HSD17B12: variants seen among roughly 807,000 people sequenced by gnomAD.
HSD17B12 encodes the protein very-long-chain 3-oxoacyl-CoA reductase.
HSD17B12 carries 32 observed loss-of-function variants against 39.3 expected under a neutral mutation model. The observed-to-expected ratio is 0.81, with a 90% confidence interval of 0.61 to 1.09. The LOEUF (loss-of-function observed/expected upper bound fraction) is 1.09. HSD17B12 is among the 50% of genes least tolerant of loss of function. HSD17B12 has a pLI of 0.00. For synonymous variants in HSD17B12, 150 were observed against 146.7 expected (o/e 1.02, Z -0.16); for missense variants, 342 against 382.9 (o/e 0.89, Z 0.89).
intron 1 of HSD17B12, among the ~76,000 whole-genome samples, chr11:43,699,626 A>G (rs1435605356): frequency 6.6e-6 from 1 of 152,012 alleles, no homozygotes; most frequent in Non-Finnish European, 1.5e-5. Context: ...GCAAATGGAG[A>G]CATTTATTTT....
At chr11:43,851,910 C>T (rs1951535471) in intron 9 of HSD17B12, 1 of 152,196 alleles carries the variant, frequency 6.6e-6, no homozygotes, top group Non-Finnish European at 1.5e-5. Context: ...CCCTGAAAAA[C>T]ATCATGCTCT....
the HSD17B12 span, among the ~76,000 whole-genome samples, chr11:43,646,552 G>GA: frequency 2.6e-5 from 4 of 152,288 alleles, no homozygotes; most frequent in African/African-American, 9.6e-5. Flanking sequence ...GAAGATACAT[G>GA]AATTTTTAAT....
intron 3 of HSD17B12, among the ~76,000 whole-genome samples, chr11:43,762,178 G>GAA (rs34145449): frequency 2.0e-5 from 3 of 151,640 alleles, no homozygotes; most frequent in African/African-American, 2.4e-5. Context: ...AAATTAAGAA[G>GAA]AAAAAAAAGA....
At chr11:43,681,286 C>A in intron 1 of HSD17B12, 1 of 464,572 alleles carries the variant, frequency 2.2e-6, no homozygotes, top group Non-Finnish European at 3.2e-6. Flanking sequence ...TTAAGCCATT[C>A]CGTGTTCATG....
At chr11:43,585,772 C>T in the HSD17B12 span, among the ~76,000 whole-genome samples, 1 of 152,204 alleles carries the variant, frequency 6.6e-6, no homozygotes, top group Non-Finnish European at 1.5e-5. Context: ...AGGTTCACAT[C>T]TTCCTTCTCC....
the HSD17B12 span, among the ~76,000 whole-genome samples, chr11:43,625,843 T>C: frequency 6.6e-6 from 1 of 151,540 alleles, no homozygotes; most frequent in South Asian, 2.1e-4. Context: ...GATTCTTTAT[T>C]TTCTCTCACA....
At chr11:43,712,070 A>C (rs1950072045) in intron 1 of HSD17B12, among the ~76,000 whole-genome samples, 1 of 152,170 alleles carries the variant, frequency 6.6e-6, no homozygotes. Flanking sequence ...CTTAAGTCTG[A>C]TAAGAAACAT....
chr11:43,825,307 C>T (rs1951223733), intron 6 of HSD17B12, among the ~76,000 whole-genome samples: 1 of 152,118 alleles, frequency 6.6e-6, no homozygotes, highest in African/African-American at 2.4e-5. Flanking sequence ...GTGTCTTATG[C>T]GATGCCCTGC....
chr11:43,780,634 A>G (rs1432295754), intron 3 of HSD17B12, among the ~76,000 whole-genome samples: 1 of 152,224 alleles, frequency 6.6e-6, no homozygotes, highest in Non-Finnish European at 1.5e-5. Context: ...AAAGATTATT[A>G]GAACGTGAGT....
At chr11:43,700,841 G>A (rs1480510414) in intron 1 of HSD17B12, among the ~76,000 whole-genome samples, 2 of 152,148 alleles carry the variant, frequency 1.3e-5, no homozygotes, top group East Asian at 1.9e-4. Flanking sequence ...TTTATTTTGA[G>A]TATATACCCA....
chr11:43,595,364 A>C, the HSD17B12 span, among the ~76,000 whole-genome samples: 1 of 152,258 alleles, frequency 6.6e-6, no homozygotes, highest in African/African-American at 2.4e-5. Context: ...TTTGAAAACA[A>C]TAGTTGAATT....
At chr11:43,690,394 A>ATTTTTTTT (rs1565049772) in intron 1 of HSD17B12, among the ~76,000 whole-genome samples, 3 of 23,560 alleles carry the variant, frequency 1.3e-4, no homozygotes, top group South Asian at 1.5e-3. Flanking sequence ...ATATATATAT[A>ATTTTTTTT]TATATATATA....
At chr11:43,792,682 C>T (rs1590304657) in intron 3 of HSD17B12, among the ~76,000 whole-genome samples, 7 of 101,290 alleles carry the variant, frequency 6.9e-5, no homozygotes, top group Admixed American at 2.1e-4. Flanking sequence ...TCAATGTAAC[C>T]TTTTTTTTTT....
chr11:43,775,684 T>C (rs1041961635), intron 3 of HSD17B12, among the ~76,000 whole-genome samples: 2 of 151,974 alleles, frequency 1.3e-5, no homozygotes, highest in East Asian at 1.9e-4. Context: ...TGTATACATG[T>C]GCCATGCTGG....
chr11:43,850,732 A>G (rs927238160), intron 9 of HSD17B12, among the ~76,000 whole-genome samples: 1 of 152,214 alleles, frequency 6.6e-6, no homozygotes, highest in African/African-American at 2.4e-5. Flanking sequence ...CAGTCCAGTT[A>G]TCTAAGCAAG....
chr11:43,798,297 G>A lies in HSD17B12; in HGVS notation c.284-23G>A, dbSNP rs373329510. 1.5e-5 allele frequency: 21 copies of A among 1,432,716 alleles called. No individual in the cohort carries two copies. The Admixed American group carries it at 1.9e-4, about 13-fold the overall frequency. The allele number at this position is 1,432,716 out of a possible 1,614,324, so 88.8% of individuals were successfully genotyped here. A position where few individuals can be genotyped will look rare whatever the true frequency, so the allele number is the denominator to read the frequency against. On this transcript the variant is annotated intron_variant, in intron 3 of 10. Transcript: ENST00000278353. ...GTACTAATTTTCCCTGTCTCTCCCC[G>A]TTTGTGTTTTCTTTTTCCCTAGAAG...
intron 1 of HSD17B12, among the ~76,000 whole-genome samples, chr11:43,719,411 G>A (rs1205372698): frequency 6.6e-6 from 1 of 152,142 alleles, no homozygotes; most frequent in African/African-American, 2.4e-5. Context: ...AGGGTAACAA[G>A]AAGCTTTAGA....
chr11:43,771,774 C>T (rs1950652817), intron 3 of HSD17B12, among the ~76,000 whole-genome samples: 1 of 152,052 alleles, frequency 6.6e-6, no homozygotes, highest in Non-Finnish European at 1.5e-5. Flanking sequence ...GCCTCACATT[C>T]TTGATAGTCT....
chr11:43,841,107 T>C (rs1340481848), intron 9 of HSD17B12, among the ~76,000 whole-genome samples: 1 of 152,218 alleles, frequency 6.6e-6, no homozygotes, highest in Non-Finnish European at 1.5e-5. Context: ...GTGGTTTTGA[T>C]TTGCTTTTCC....
Sources: allele counts gnomAD v4.1 joint callset (sites outside exome capture counted in the v4.1 genomes callset), GRCh38; gene constraint gnomAD v4.1.1; transcripts MANE v1.5; gene names NCBI Gene and HGNC (gene_info 2026-07-23, HGNC 2026-07-21).